The following UBE3C variants were observed in gnomAD, a reference collection of about 807,000 sequenced individuals.
UBE3C encodes ubiquitin protein ligase E3C.
UBE3C carries 42 observed loss-of-function variants against 129.4 expected under a neutral mutation model. The ratio of observed to expected loss-of-function variants is 0.32; its 90% CI spans 0.25 to 0.42. The LOEUF (loss-of-function observed/expected upper bound fraction) is 0.42. Among genes scored for constraint, UBE3C ranks in the 10% least tolerant of loss-of-function variants. The pLI, the probability that UBE3C is intolerant of heterozygous loss-of-function variation, is 1.00. For synonymous variants in UBE3C, 510 were observed against 492.4 expected, an observed-to-expected ratio of 1.04 and a Z score of -0.47; for missense variants, 1,049 against 1,319.1, an observed-to-expected ratio of 0.80 and a Z score of 3.17.
At chr7:157,241,575 T>C (rs1250961441) in intron 18 of UBE3C, among the ~76,000 whole-genome samples, 1 of 152,150 alleles carries the variant, frequency 6.6e-6, no homozygotes, top group Non-Finnish European at 1.5e-5. Context: ...TTGGTGAGGA[T>C]GTGGAGGAAT....
intron 18 of UBE3C, 65 bp downstream of exon 18, chr7:157,231,392 G>T: frequency 6.3e-7 from 1 of 1,576,662 alleles, no homozygotes; most frequent in Non-Finnish European, 8.6e-7. Context: ...ATGTTTATGT[G>T]TGGTTGTTAT....
At chr7:157,252,135 CA>C (rs1166651783) in intron 19 of UBE3C, among the ~76,000 whole-genome samples, 258 of 139,460 alleles carry the variant, frequency 1.8e-3, no homozygotes, top group Middle Eastern at 3.7e-3. Flanking sequence ...GACCTTGTCT[CA>C]AAAAAAAAAA....
At chr7:157,253,868 T>C (rs1458054212) in intron 19 of UBE3C, 86 bp from the exon 20 acceptor site, 1 of 1,304,242 alleles carries the variant, frequency 7.7e-7, no homozygotes, top group East Asian at 2.4e-5. Context: ...AAGTCCTATT[T>C]CCTTAAAACA....
At chr7:157,205,533 G>T (rs894765289) in intron 11 of UBE3C, among the ~76,000 whole-genome samples, 14 of 152,296 alleles carry the variant, frequency 9.2e-5, no homozygotes, top group Middle Eastern at 3.4e-3. Flanking sequence ...GCTGTTGAAA[G>T]AAGCCACCCC....
At chr7:157,203,624 T>C (rs1469133684) in intron 11 of UBE3C, among the ~76,000 whole-genome samples, 2 of 152,204 alleles carry the variant, frequency 1.3e-5, no homozygotes, top group African/African-American at 4.8e-5. Flanking sequence ...AATGGAGTCA[T>C]GGTGTGTGAA....
rs536361243 is a variant in UBE3C, at chr7:157,165,398, T to C, written c.120+1535T>C. 1.1e-3 allele frequency among the ~76,000 whole-genome samples: 68 copies of C among 61,670 alleles called. 1 individual carries two copies. In the East Asian group the frequency reaches 0.033, roughly 30 times the overall value. 40.5% of individuals were successfully genotyped at this position (61,670 alleles called of 152,430 possible). A position where few individuals can be genotyped will look rare whatever the true frequency, so the allele number is the denominator to read the frequency against. Reference sequence around the variant, plus strand: ...TACAGCTGATCTCTTTAGCATTGACTTTTTTTTTTTTTTTTTTGAGGTGGA... The same window carrying C: ...TACAGCTGATCTCTTTAGCATTGACCTTTTTTTTTTTTTTTTTGAGGTGGA... On this transcript the variant is annotated intron_variant, in intron 2 of 22. Transcript: ENST00000348165.
intron 10 of UBE3C, chr7:157,198,447 G>A (rs931834705): frequency 5.8e-5 from 30 of 516,740 alleles, no homozygotes; most frequent in Non-Finnish European, 1.0e-4. Flanking sequence ...CTGTGCGCTC[G>A]GAGGCCACAG....
intron 13 of UBE3C, among the ~76,000 whole-genome samples, chr7:157,210,134 G>A (rs895313632): frequency 3.3e-5 from 5 of 152,106 alleles, no homozygotes; most frequent in African/African-American, 1.2e-4. Context: ...CCGAGATAGC[G>A]CCACTGCACT....
intron 10 of UBE3C, chr7:157,188,893 T>C: frequency 1.7e-6 from 1 of 600,252 alleles, no homozygotes; most frequent in South Asian, 2.1e-5. Context: ...TATTAGTCCC[T>C]TTTATTTTCA....
In UBE3C at chr7:157,170,140, T is replaced by C. The variant is rs183428689; in HGVS notation, c.196-164T>C. Among the ~76,000 whole-genome samples the C allele has an allele frequency of 3.3e-5, 5 of 151,758 alleles. No individual in the cohort carries two copies. The East Asian group carries it at 9.7e-4, about 29-fold the overall frequency. On this transcript the variant is annotated intron_variant, in intron 3 of 22. Transcript: ENST00000348165. ...TGGTTTTTTTTTTTTTTTTTCTTTT[T>C]AACCATTTTTTTTCTACAATTCAAC... is the stretch of plus-strand genomic sequence containing the variant.
At chr7:157,192,634 A>G in intron 10 of UBE3C, 1 of 765,886 alleles carries the variant, frequency 1.3e-6, no homozygotes, top group Non-Finnish European at 2.4e-6. Flanking sequence ...CCCAAGAAGA[A>G]TAAGCGCAAG....
At chr7:157,226,814 G>C (rs1320258021) in intron 17 of UBE3C, among the ~76,000 whole-genome samples, 3 of 151,608 alleles carry the variant, frequency 2.0e-5, no homozygotes, top group Admixed American at 1.3e-4. Flanking sequence ...AGTAAACTTA[G>C]GTCTGCATGC....
rs1008894211 is a variant in UBE3C at position 157,140,606 on chromosome 7, G to T, written c.66+1268G>T. Among the ~76,000 whole-genome samples the T allele has an allele frequency of 2.6e-5, 4 of 152,336 alleles. No homozygotes were observed. The South Asian group carries it at 8.3e-4, about 32-fold the overall frequency. Reference sequence around the variant, plus strand: ...CCAAATCGCCTTGCTTACAAGTTCGGAAGGTGAGCTGCAGAACATTTGAAG... The same window carrying T: ...CCAAATCGCCTTGCTTACAAGTTCGTAAGGTGAGCTGCAGAACATTTGAAG... On this transcript the variant is annotated intron_variant, in intron 1 of 22. Coordinates refer to ENST00000348165, the MANE Select transcript of UBE3C (RefSeq NM_014671.3).
chr7:157,159,100 TCTC>T (rs1277231164), intron 1 of UBE3C, among the ~76,000 whole-genome samples: 12 of 152,184 alleles, frequency 7.9e-5, no homozygotes, highest in East Asian at 1.9e-4. Flanking sequence ...AGCACCCACT[TCTC>T]CTTCATCCTG....
intron 10 of UBE3C, chr7:157,198,151 A>C: frequency 6.2e-7 from 1 of 1,613,088 alleles, no homozygotes; most frequent in Non-Finnish European, 8.5e-7. Context: ...CCATTGCTCC[A>C]CAGTTTAAGC....
At chr7:157,144,847 G>A (rs111792062) in intron 1 of UBE3C, among the ~76,000 whole-genome samples, 9 of 152,226 alleles carry the variant, frequency 5.9e-5, no homozygotes, top group African/African-American at 1.9e-4. Context: ...AACCAATGTC[G>A]ATGTGTTATT....
chr7:157,199,376 T>A (rs1809215102), intron 10 of UBE3C, among the ~76,000 whole-genome samples: 2 of 151,364 alleles, frequency 1.3e-5, no homozygotes, highest in Admixed American at 1.3e-4. Flanking sequence ...ATTTTAAATA[T>A]CTCAGAGATA....
chr7:157,170,971 G>A (rs1808352110), intron 4 of UBE3C, among the ~76,000 whole-genome samples: 2 of 151,596 alleles, frequency 1.3e-5, no homozygotes, highest in African/African-American at 4.9e-5. Context: ...CCTTGTTAAT[G>A]TTAAGGCTAA....
intron 3 of UBE3C, 98 bp from the exon 4 acceptor site, chr7:157,170,206 C>A: frequency 7.5e-6 from 8 of 1,066,634 alleles, no homozygotes; most frequent in Admixed American, 3.4e-5. Context: ...TTGTCAATTT[C>A]CACCATTCCT....
Sources: gnomAD v4.1 joint callset for allele counts (sites outside exome capture counted in the v4.1 genomes callset) on GRCh38, gnomAD v4.1.1 for gene constraint, MANE v1.5 for transcripts, NCBI Gene and HGNC (gene_info 2026-07-23, HGNC 2026-07-21) for gene names.